Variants in KSR2 observed in about 807,000 individuals in gnomAD.
KSR2 encodes kinase suppressor of ras 2.
Under a neutral mutation model 107.8 loss-of-function variants are expected in KSR2, and 25 were observed. That is an observed-to-expected ratio of 0.23 (90% confidence interval 0.17 to 0.32). The LOEUF (loss-of-function observed/expected upper bound fraction) is 0.32. Among genes scored for constraint, KSR2 ranks in the 10% least tolerant of loss-of-function variants. The pLI, the probability that KSR2 is intolerant of heterozygous loss-of-function variation, is 1.00. For missense variants in KSR2, 887 were observed against 1,268.9 expected (o/e 0.70, Z 4.57); for synonymous variants, 480 against 507.0 (o/e 0.95, Z 0.71).
intron 3 of KSR2, among the ~76,000 whole-genome samples, chr12:117,830,545 G>A (rs1156610250): frequency 6.6e-6 from 1 of 151,992 alleles, no homozygotes; most frequent in East Asian, 1.9e-4. Context: ...TAAAAGAATA[G>A]CCAGCCAGGC....
intron 8 of KSR2, among the ~76,000 whole-genome samples, chr12:117,556,337 T>C (rs1217691137): frequency 1.3e-5 from 2 of 152,048 alleles, no homozygotes. Context: ...GAGAATTTGG[T>C]GGGAGGCAAT....
chr12:117,950,387 G>A (rs1268567314), intron 1 of KSR2, among the ~76,000 whole-genome samples: 1 of 152,100 alleles, frequency 6.6e-6, no homozygotes, highest in Non-Finnish European at 1.5e-5. Context: ...AATGGTACCA[G>A]GTGGCAGATG....
chr12:117,629,143 C>A (rs1429676877), intron 5 of KSR2, among the ~76,000 whole-genome samples: 2 of 152,224 alleles, frequency 1.3e-5, no homozygotes, highest in African/African-American at 2.4e-5. Flanking sequence ...AATCCCCCAA[C>A]CCCATGCGCT....
At chr12:117,849,518 G>C (rs753410938) in intron 3 of KSR2, among the ~76,000 whole-genome samples, 3 of 152,218 alleles carry the variant, frequency 2.0e-5, no homozygotes, top group Non-Finnish European at 2.9e-5. Flanking sequence ...GAATGAATGA[G>C]TATTCTTTGG....
chr12:117,566,833 C>A (rs143026414), intron 7 of KSR2, among the ~76,000 whole-genome samples: 2 of 152,226 alleles, frequency 1.3e-5, no homozygotes, highest in East Asian at 3.9e-4. Flanking sequence ...GAATGTAAAC[C>A]CATCTCTTGT....
chr12:117,838,462 C>T (rs529601857), intron 3 of KSR2, among the ~76,000 whole-genome samples: 2 of 152,280 alleles, frequency 1.3e-5, no homozygotes, highest in Admixed American at 6.5e-5. Context: ...CCACCATGCC[C>T]AGTCAGGACC....
intron 4 of KSR2, among the ~76,000 whole-genome samples, chr12:117,676,921 A>G (rs1344667895): frequency 1.3e-5 from 2 of 152,232 alleles, no homozygotes; most frequent in Non-Finnish European, 2.9e-5. Context: ...CAATAGTGGA[A>G]GGGATAAATA....
At chr12:117,801,283 ATTTTT>A (rs35746430) in intron 3 of KSR2, among the ~76,000 whole-genome samples, 1 of 136,024 alleles carries the variant, frequency 7.4e-6, no homozygotes, top group African/African-American at 2.8e-5. Context: ...TGCCCGGCTA[ATTTTT>A]TTTTTTTTTT....
chr12:117,736,697 C>T (rs1887953412), intron 4 of KSR2, among the ~76,000 whole-genome samples: 1 of 151,602 alleles, frequency 6.6e-6, no homozygotes, highest in Non-Finnish European at 1.5e-5. Flanking sequence ...CCTGTAGTTC[C>T]AGCTACTCAG....
chr12:117,645,955 C>T lies in KSR2; in HGVS notation c.1171+21519G>A, dbSNP rs531879144. ...TATCCATAGGGGGTTGGTTCCAGGA[C>T]ACCCCACATATACCAAAATCCAATA... On this transcript the variant is annotated intron_variant, in intron 5 of 19. Coordinates refer to ENST00000339824, the MANE Select transcript of KSR2 (RefSeq NM_173598.6). 2.0e-5 allele frequency among the ~76,000 whole-genome samples: 3 copies of T among 151,202 alleles called. No homozygotes were observed. The South Asian group carries it at 6.3e-4, about 32-fold the overall frequency.
At chr12:117,703,869 T>C (rs1041922033) in intron 4 of KSR2, among the ~76,000 whole-genome samples, 8 of 152,136 alleles carry the variant, frequency 5.3e-5, no homozygotes, top group Non-Finnish European at 1.2e-4. Context: ...CCATGCAGTG[T>C]AAATAAAACA....
chr12:117,709,730 G>A (rs1886678914), intron 4 of KSR2, among the ~76,000 whole-genome samples: 1 of 152,192 alleles, frequency 6.6e-6, no homozygotes, highest in Non-Finnish European at 1.5e-5. Flanking sequence ...CAGCACTGTT[G>A]ACATTTGGGG....
At chr12:117,909,394 G>A (rs916889584) in intron 1 of KSR2, among the ~76,000 whole-genome samples, 2 of 152,100 alleles carry the variant, frequency 1.3e-5, no homozygotes, top group African/African-American at 2.4e-5. Context: ...TCACACTGGC[G>A]CTTCAGTTTT....
chr12:117,729,114 C>T (rs1010974324), intron 4 of KSR2, among the ~76,000 whole-genome samples: 2 of 151,474 alleles, frequency 1.3e-5, no homozygotes, highest in South Asian at 2.1e-4. Flanking sequence ...GCCATGGCTA[C>T]AGAAAATGAA....
Position 117,564,472 on chromosome 12 carries a change from TG to T in KSR2, c.1326-5900del, listed in dbSNP as rs1390158733. Reference sequence around the variant, plus strand: ...ACTCTGAGCACACACAGAAAAAGCCTGCAAACTTGGAAAGGATTTATTTAAA... The same window carrying T: ...ACTCTGAGCACACACAGAAAAAGCCTCAAACTTGGAAAGGATTTATTTAAA... On this transcript the variant is annotated intron_variant, in intron 7 of 19. Coordinates refer to ENST00000339824, the MANE Select transcript of KSR2 (RefSeq NM_173598.6). Among the ~76,000 whole-genome samples the T allele has an allele frequency of 1.3e-4, 16 of 119,532 alleles. 1 individual carries two copies. Among genetic ancestry groups the T allele is most frequent in the Middle Eastern group, 0.01 (2 of 196 alleles). 78.4% of individuals were successfully genotyped at this position (119,532 alleles called of 152,430 possible). A position where few individuals can be genotyped will look rare whatever the true frequency, so the allele number is the denominator to read the frequency against.
intron 8 of KSR2, among the ~76,000 whole-genome samples, chr12:117,557,116 G>T (rs577552615): frequency 3.7e-4 from 57 of 152,170 alleles, no homozygotes; most frequent in Non-Finnish European, 7.6e-4. Flanking sequence ...AGTGAGCTGA[G>T]ATCGCACCAC....
At chr12:117,809,865 G>A (rs1257925749) in intron 3 of KSR2, among the ~76,000 whole-genome samples, 1 of 152,232 alleles carries the variant, frequency 6.6e-6, no homozygotes, top group Non-Finnish European at 1.5e-5. Context: ...GGATGGGGAT[G>A]GGAGGATTAG....
intron 5 of KSR2, among the ~76,000 whole-genome samples, chr12:117,637,733 G>C (rs1212430644): frequency 7.7e-6 from 1 of 129,450 alleles, no homozygotes; most frequent in Non-Finnish European, 1.5e-5. Flanking sequence ...CCAGGCTGGA[G>C]TGCAATGACA....
chr12:117,788,796 AGCCACATTGCCCG>A (rs1890164588), intron 3 of KSR2, among the ~76,000 whole-genome samples: 1 of 152,222 alleles, frequency 6.6e-6, no homozygotes, highest in African/African-American at 2.4e-5. Context: ...TATAGGTGTG[AGCCACATTGCCCG>A]GCCTCCAGAA....
Sources: gnomAD v4.1 joint callset for allele counts (sites outside exome capture counted in the v4.1 genomes callset) on GRCh38, gnomAD v4.1.1 for gene constraint, MANE v1.5 for transcripts, NCBI Gene and HGNC (gene_info 2026-07-23, HGNC 2026-07-21) for gene names.